The following YPEL2 variants were observed in gnomAD, a reference collection of about 807,000 sequenced individuals.
YPEL2 encodes the protein yippee like 2.
Under a neutral mutation model 19.1 loss-of-function variants are expected in YPEL2, and 2 were observed. That is an observed-to-expected ratio of 0.10 (90% CI 0.04 to 0.33). The LOEUF (loss-of-function observed/expected upper bound fraction) is 0.33, where lower values mean the gene tolerates loss of function less well. YPEL2 is among the 10% of genes least tolerant of loss of function. YPEL2 has a pLI of 1.00. For synonymous variants in YPEL2, 52 were observed against 50.0 expected (o/e 1.04, Z -0.17); for missense variants, 66 against 140.7 (o/e 0.47, Z 2.68).
chr17:59,376,976 CAAAG>C (rs1217384306), intron 2 of YPEL2, among the ~76,000 whole-genome samples: 86 of 95,550 alleles, frequency 9.0e-4, no homozygotes, highest in Non-Finnish European at 1.6e-3. Context: ...AAAAAAAAAA[CAAAG>C]AAAAAGGAAA....
chr17:59,376,961 A>C (rs1162416716), intron 2 of YPEL2, among the ~76,000 whole-genome samples: 1 of 149,940 alleles, frequency 6.7e-6, no homozygotes, highest in African/African-American at 2.5e-5. Context: ...AAAAAAAAAA[A>C]AAAAAAAAAA....
intron 2 of YPEL2, 137 bp from the exon 3 acceptor site, chr17:59,388,190 G>C (rs546347514): frequency 2.4e-6 from 2 of 821,262 alleles, no homozygotes; most frequent in Non-Finnish European, 4.3e-6. Flanking sequence ...ATCTGCCAGC[G>C]GGACCGTTAA....
chr17:59,380,272 C>CTTTTTTTTTTT, intron 2 of YPEL2, among the ~76,000 whole-genome samples: 1 of 106,426 alleles, frequency 9.4e-6, no homozygotes, highest in Non-Finnish European at 1.8e-5. Context: ...TATCTAACTT[C>CTTTTTTTTTTT]TTTTTTTTTT....
At chr17:59,356,548 G>C (rs1255464334) in intron 2 of YPEL2, among the ~76,000 whole-genome samples, 1 of 152,164 alleles carries the variant, frequency 6.6e-6, no homozygotes, top group African/African-American at 2.4e-5. Flanking sequence ...ATCCCTAGAG[G>C]CCTAGTTGCT....
At chr17:59,382,272 G>A (rs942738845) in intron 2 of YPEL2, among the ~76,000 whole-genome samples, 4 of 152,222 alleles carry the variant, frequency 2.6e-5, no homozygotes, top group Admixed American at 6.5e-5. Flanking sequence ...GTACATGTGG[G>A]CCTCTCCCCG....
At chr17:59,364,893 A>G (rs1294848437) in intron 2 of YPEL2, among the ~76,000 whole-genome samples, 2 of 152,118 alleles carry the variant, frequency 1.3e-5, no homozygotes, top group South Asian at 2.1e-4. Context: ...CGGCCTCCCA[A>G]AGTGCTGGGA....
intron 1 of YPEL2, among the ~76,000 whole-genome samples, chr17:59,336,429 AT>A (rs1346632127): frequency 2.0e-5 from 3 of 152,188 alleles, no homozygotes; most frequent in African/African-American, 7.2e-5. Context: ...CAGTAATCAC[AT>A]TTCATTAATA....
At chr17:59,386,735 G>C (rs1409359743) in intron 2 of YPEL2, among the ~76,000 whole-genome samples, 2 of 152,184 alleles carry the variant, frequency 1.3e-5, no homozygotes, top group Non-Finnish European at 2.9e-5. Context: ...CCAGGTTCCA[G>C]GTTTTGAGGC....
chr17:59,386,620 C>T (rs1486423922), intron 2 of YPEL2, among the ~76,000 whole-genome samples: 3 of 152,180 alleles, frequency 2.0e-5, no homozygotes, highest in Admixed American at 6.5e-5. Context: ...ATGGCCAGGT[C>T]ATGAAGCCCT....
At chr17:59,367,178 A>G (rs2047874487) in intron 2 of YPEL2, among the ~76,000 whole-genome samples, 1 of 152,150 alleles carries the variant, frequency 6.6e-6, no homozygotes, top group Non-Finnish European at 1.5e-5. Flanking sequence ...GAGTGCCATT[A>G]TGTGCCAGGC....
intron 1 of YPEL2, among the ~76,000 whole-genome samples, chr17:59,350,822 G>C (rs1055364858): frequency 6.6e-6 from 1 of 152,168 alleles, no homozygotes; most frequent in Non-Finnish European, 1.5e-5. Flanking sequence ...AACAGACTCT[G>C]TATCTGCTCT....
rs150945447 is a variant in YPEL2 at position 59,386,654 on chromosome 17, T to C, written c.118-1673T>C. Among the ~76,000 whole-genome samples, 195 of 152,166 alleles carry C rather than the reference T, an allele frequency of 1.3e-3. 1 individual carries two copies. Among genetic ancestry groups the C allele is most frequent in the African/African-American group, 4.4e-3 (181 of 41,518 alleles). On this transcript the variant is annotated intron_variant, in intron 2 of 4. Coordinates refer to ENST00000312655, the MANE Select transcript of YPEL2 (RefSeq NM_001005404.4). Reference sequence around the variant, plus strand: ...CTGGAGTGGTGTTTGTGCTCCAGGATTGAACAGTGTGGCCAGGTCTAGACC... The same window carrying C: ...CTGGAGTGGTGTTTGTGCTCCAGGACTGAACAGTGTGGCCAGGTCTAGACC...
chr17:59,353,215 G>A lies in YPEL2; in HGVS notation c.-195G>A, dbSNP rs2047795941. ...TAGTCCTCTTCCCTTGATGTTACAG[G>A]CTGCTGAGAACTAGCCCTAGACCTC... is the stretch of plus-strand genomic sequence containing the variant. On this transcript the variant is annotated splice_region_variant and 5_prime_UTR_variant, in exon 2 of 5. Transcript: ENST00000312655. This position sits in a 1 kb window ranked among gnomAD's most constrained non-coding sequence, Gnocchi z 4.8. 2.0e-6 allele frequency: 1 copy of A among 503,408 alleles called. No homozygotes were observed. Among genetic ancestry groups the A allele is most frequent in the East Asian group, 3.3e-5 (1 of 30,282 alleles). 31.2% of individuals were successfully genotyped at this position (503,408 alleles called of 1,614,324 possible).
At chr17:59,370,830 T>C (rs1212584935) in intron 2 of YPEL2, among the ~76,000 whole-genome samples, 2 of 152,154 alleles carry the variant, frequency 1.3e-5, no homozygotes, top group African/African-American at 2.4e-5. Context: ...CTCCCTTCTC[T>C]GCTGAAACCA....
chr17:59,392,507 GTTTT>G (rs3063116), intron 4 of YPEL2, among the ~76,000 whole-genome samples: 50 of 103,170 alleles, frequency 4.8e-4, no homozygotes, highest in Admixed American at 3.0e-3. Context: ...CTCAGGGCAC[GTTTT>G]TTTTTTTTTT....
chr17:59,338,151 A>T (rs998512537), intron 1 of YPEL2, among the ~76,000 whole-genome samples: 4 of 152,130 alleles, frequency 2.6e-5, no homozygotes, highest in Non-Finnish European at 5.9e-5. Context: ...GTCTAGACTG[A>T]GTGGCTTTGA....
intron 1 of YPEL2, among the ~76,000 whole-genome samples, chr17:59,337,183 C>CTTTTTT (rs146083930): frequency 4.4e-5 from 6 of 136,498 alleles, no homozygotes; most frequent in Non-Finnish European, 9.3e-5. Context: ...GGGAGAAATT[C>CTTTTTT]TTTTTTTTTG....
At chr17:59,356,863 A>G (rs750882678) in intron 2 of YPEL2, among the ~76,000 whole-genome samples, 1 of 152,162 alleles carries the variant, frequency 6.6e-6, no homozygotes, top group Non-Finnish European at 1.5e-5. Context: ...TAAGGACACT[A>G]ATCCCATTCA....
At chr17:59,391,890 A>G (rs1165301408) in intron 4 of YPEL2, among the ~76,000 whole-genome samples, 3 of 139,174 alleles carry the variant, frequency 2.2e-5, no homozygotes, top group African/African-American at 5.8e-5. Context: ...ACAGAGTGAG[A>G]CTCTATCTCA....
Sources: gnomAD v4.1 joint callset for allele counts (sites outside exome capture counted in the v4.1 genomes callset) on GRCh38, gnomAD v4.1.1 for gene constraint, Gnocchi (gnomAD v3.1) non-coding constraint, MANE v1.5 for transcripts, NCBI Gene and HGNC (gene_info 2026-07-23, HGNC 2026-07-21) for gene names.